The following SCAI variants were observed in gnomAD, a reference collection of about 807,000 sequenced individuals.
SCAI encodes suppressor of cancer cell invasion.
In SCAI, 24 loss-of-function variants were observed where a neutral mutation model predicts 92.2. The ratio of observed to expected loss-of-function variants is 0.26; its 90% CI spans 0.19 to 0.37. SCAI has a LOEUF of 0.37. Among genes scored for constraint, SCAI ranks in the 10% least tolerant of loss-of-function variants. The probability of loss-of-function intolerance (pLI) is 1.00; values close to 1 mark genes in which losing one functional copy is unlikely to be tolerated. For synonymous variants in SCAI, 261 were observed against 258.6 expected (o/e 1.01, Z -0.09); for missense variants, 450 against 736.2 (o/e 0.61, Z 4.50).
rs558245933 is a variant in SCAI at position 125,126,442 on chromosome 9, C to T, written c.98+16191G>A. ...GTGTGTGAGAGAGAGAGAGAACACA[C>T]ATGCAAGGCAGAAGTCAGAGAGAGA... On this transcript the variant is annotated intron_variant, in intron 2 of 17. Coordinates refer to ENST00000336505, the MANE Select transcript of SCAI (RefSeq NM_001144877.3). 4.0e-5 allele frequency among the ~76,000 whole-genome samples: 6 copies of T among 151,228 alleles called. No homozygotes were observed. The South Asian group carries it at 1.3e-3, about 32-fold the overall frequency.
chr9:125,076,421 C>A (rs1447245891), intron 2 of SCAI, among the ~76,000 whole-genome samples: 1 of 152,206 alleles, frequency 6.6e-6, no homozygotes, highest in South Asian at 2.1e-4. Context: ...ATCGCTTGAA[C>A]CCAGGGGGTG....
intron 2 of SCAI, among the ~76,000 whole-genome samples, chr9:125,086,775 G>C (rs12000933): frequency 6.6e-6 from 1 of 152,144 alleles, no homozygotes; most frequent in African/African-American, 2.4e-5. Flanking sequence ...TCCTGGTGCT[G>C]CCACTTACTA....
chr9:125,010,957 C>A (rs372893028), intron 9 of SCAI, among the ~76,000 whole-genome samples: 1 of 152,170 alleles, frequency 6.6e-6, no homozygotes, highest in African/African-American at 2.4e-5. Flanking sequence ...CTCCAACAGA[C>A]CTGCAGCTGA....
At chr9:125,031,340 C>A (rs1265950796) in intron 3 of SCAI, among the ~76,000 whole-genome samples, 2 of 151,856 alleles carry the variant, frequency 1.3e-5, no homozygotes, top group Non-Finnish European at 2.9e-5. Flanking sequence ...TGGCTCACTG[C>A]AAGCTCCTCC....
chr9:124,987,093 TGCG>T (rs903224839), intron 14 of SCAI, among the ~76,000 whole-genome samples: 39 of 152,216 alleles, frequency 2.6e-4, no homozygotes, highest in African/African-American at 7.9e-4. Flanking sequence ...AGTGCAGTGG[TGCG>T]ATCTCGGCTC....
At chr9:125,097,075 G>T (rs1000019428) in intron 2 of SCAI, among the ~76,000 whole-genome samples, 1 of 152,130 alleles carries the variant, frequency 6.6e-6, no homozygotes, top group African/African-American at 2.4e-5. Flanking sequence ...AGAAAAGAAA[G>T]ATTATATTAC....
intron 15 of SCAI, 53 bp downstream of exon 15, chr9:124,976,061 T>C (rs939548969): frequency 1.3e-5 from 14 of 1,084,864 alleles, no homozygotes; most frequent in Admixed American, 6.9e-5. Flanking sequence ...ATTCATAATA[T>C]AGATAGTGTT....
intron 2 of SCAI, among the ~76,000 whole-genome samples, chr9:125,097,442 G>A (rs7871347): frequency 0.47 from 70,544 of 151,656 alleles, 16,868 homozygotes; most frequent in East Asian, 0.61. Context: ...CGGGGAAAAA[G>A]TAATAATTTA....
chr9:125,069,820 C>T (rs1833945749), intron 2 of SCAI, among the ~76,000 whole-genome samples: 1 of 151,876 alleles, frequency 6.6e-6, no homozygotes. Context: ...TGTGGTTTCG[C>T]CATGTTGGCC....
chr9:124,972,749 T>C (rs901972555), intron 15 of SCAI, among the ~76,000 whole-genome samples: 7 of 152,228 alleles, frequency 4.6e-5, no homozygotes, highest in Non-Finnish European at 8.8e-5. Flanking sequence ...GCCAGAAACC[T>C]GGAAGTCTAT....
Position 124,943,260 on chromosome 9 carries a change from TCTA to T in SCAI, c.*9544_*9546del, listed in dbSNP as rs2131556424. 1 of 152,350 alleles carries T rather than the reference TCTA, an allele frequency of 6.6e-6. No individual in the cohort carries two copies. Among genetic ancestry groups the T allele is most frequent in the East Asian group, 1.9e-4 (1 of 5,194 alleles). 9.4% of individuals were successfully genotyped at this position (152,350 alleles called of 1,614,324 possible). A position where few individuals can be genotyped will look rare whatever the true frequency, so the allele number is the denominator to read the frequency against. On this transcript the variant is annotated 3_prime_UTR_variant, in exon 18 of 18. Coordinates refer to ENST00000336505, the MANE Select transcript of SCAI (RefSeq NM_001144877.3). ...AGTAAATAGCCCCTTCAAAATTTAT[TCTA>T]CTGTTAACACATATAAAAACTATGA... is the stretch of plus-strand genomic sequence containing the variant.
intron 2 of SCAI, among the ~76,000 whole-genome samples, chr9:125,115,314 G>A (rs765763127): frequency 1.4e-5 from 2 of 145,428 alleles, no homozygotes; most frequent in Non-Finnish European, 3.0e-5. Context: ...GGAGCTTGCA[G>A]TGAGCCCAGA....
chr9:125,013,227 TAATG>T (rs1431557054), intron 9 of SCAI, among the ~76,000 whole-genome samples: 1 of 151,388 alleles, frequency 6.6e-6, no homozygotes, highest in African/African-American at 2.4e-5. Flanking sequence ...TTCAAAAAAT[TAATG>T]AATCCAGGAG....
chr9:125,084,115 C>T (rs1834275106), intron 2 of SCAI, among the ~76,000 whole-genome samples: 1 of 149,774 alleles, frequency 6.7e-6, no homozygotes, highest in Admixed American at 6.7e-5. Flanking sequence ...TTTAACCCAG[C>T]CCCTCACAAA....
In SCAI at chr9:125,036,417, C is replaced by T. The variant is rs924711332; in HGVS notation, c.231-6678G>A. Among the ~76,000 whole-genome samples, 7 of 152,008 alleles carry T rather than the reference C, an allele frequency of 4.6e-5. No homozygotes were observed. In the East Asian group the frequency reaches 5.8e-4, roughly 13 times the overall value. On this transcript the variant is annotated intron_variant, in intron 3 of 17. Coordinates refer to ENST00000336505, the MANE Select transcript of SCAI (RefSeq NM_001144877.3). ...AAAGGAGAATGTATAAATTAATAAA[C>T]GAAGAAAGAGTGATAAAAGTATATT...
rs1198026941 is a variant in SCAI, at chr9:125,032,190, TA to T, written c.231-2452del. ...AAATGAATATATATATATATATATA[TA>T]TATATTTTTTTTTTTTTTTGAGATG... On this transcript the variant is annotated intron_variant, in intron 3 of 17. Coordinates refer to ENST00000336505, the MANE Select transcript of SCAI (RefSeq NM_001144877.3). Among the ~76,000 whole-genome samples, 541 of 80,698 alleles carry T rather than the reference TA, an allele frequency of 6.7e-3. 3 individuals carry two copies. The highest frequency in any genetic ancestry group is 0.032 in the East Asian group (105 of 3,320). 52.9% of individuals were successfully genotyped at this position (80,698 alleles called of 152,430 possible). A position where few individuals can be genotyped will look rare whatever the true frequency, so the allele number is the denominator to read the frequency against.
chr9:125,021,866 G>A (rs574334338), intron 6 of SCAI, among the ~76,000 whole-genome samples: 3 of 152,122 alleles, frequency 2.0e-5, no homozygotes, highest in Admixed American at 2.0e-4. Context: ...TCAGCCTTCT[G>A]AGTAGCTGGC....
At chr9:125,129,150 G>C (rs1835343415) in intron 2 of SCAI, among the ~76,000 whole-genome samples, 1 of 151,698 alleles carries the variant, frequency 6.6e-6, no homozygotes, top group African/African-American at 2.4e-5. Flanking sequence ...ATAATGAAGA[G>C]GGAATGAGAC....
intron 2 of SCAI, among the ~76,000 whole-genome samples, chr9:125,097,278 C>G (rs1362050910): frequency 6.6e-6 from 1 of 151,890 alleles, no homozygotes; most frequent in African/African-American, 2.4e-5. Context: ...AATAAAAATA[C>G]AAAAATTAGC....
Sources: allele counts gnomAD v4.1 joint callset (sites outside exome capture counted in the v4.1 genomes callset), GRCh38; gene constraint gnomAD v4.1.1; transcripts MANE v1.5; gene names NCBI Gene and HGNC (gene_info 2026-07-23, HGNC 2026-07-21).